Variants in KIF16B observed in about 807,000 individuals in gnomAD.
The protein encoded by KIF16B is kinesin family member 16B.
KIF16B carries 98 observed loss-of-function variants against 156.3 expected under a neutral mutation model. That is an observed-to-expected ratio of 0.63 (90% CI 0.53 to 0.74). The LOEUF (loss-of-function observed/expected upper bound fraction) is 0.74, where lower values mean the gene tolerates loss of function less well. KIF16B is among the 30% of genes least tolerant of loss of function. KIF16B has a pLI of 0.00. For missense variants in KIF16B, 1,421 were observed against 1,606.5 expected (o/e 0.88, Z 1.97); for synonymous variants, 564 against 583.7 (o/e 0.97, Z 0.49).
chr20:16,356,264 A>G (rs1050995886), intron 23 of KIF16B, 66 bp downstream of exon 23: 1 of 1,593,494 alleles, frequency 6.3e-7, no homozygotes, highest in Non-Finnish European at 8.6e-7. Flanking sequence ...TTGAAAAAAT[A>G]AAGACAGATA....
intron 12 of KIF16B, among the ~76,000 whole-genome samples, chr20:16,466,043 T>G (rs2067481532): frequency 6.6e-6 from 1 of 152,164 alleles, no homozygotes; most frequent in Non-Finnish European, 1.5e-5. Flanking sequence ...GACAGGAAAA[T>G]AAGTTCACAA....
chr20:16,426,892 A>G (rs1379247230), intron 15 of KIF16B, among the ~76,000 whole-genome samples: 2 of 152,148 alleles, frequency 1.3e-5, no homozygotes, highest in African/African-American at 4.8e-5. Context: ...ATAATTCTAT[A>G]TATGTTCATA....
intron 1 of KIF16B, among the ~76,000 whole-genome samples, chr20:16,547,905 T>C (rs1396040030): frequency 6.6e-6 from 1 of 152,106 alleles, no homozygotes; most frequent in Admixed American, 6.6e-5. Flanking sequence ...CACAGGAATC[T>C]CCTGGGGCTT....
intron 12 of KIF16B, among the ~76,000 whole-genome samples, chr20:16,434,986 C>T (rs534142576): frequency 2.0e-5 from 3 of 151,500 alleles, no homozygotes; most frequent in South Asian, 4.2e-4. Flanking sequence ...GCCAGAAAGA[C>T]GTTGAAAAAA....
rs1282920181 is a variant in KIF16B, at chr20:16,348,059, C to G, written c.3621+8271G>C. ...CATGCTTCCTGGCAGGCCAATCTAC[C>G]ATCAAATTCTTCAGGTTTACCAAAG... On this transcript the variant is annotated intron_variant, in intron 23 of 25. Transcript: ENST00000354981. Among the ~76,000 whole-genome samples the G allele has an allele frequency of 3.3e-5, 5 of 152,186 alleles. No individual in the cohort carries two copies. The East Asian group carries it at 9.6e-4, about 29-fold the overall frequency.
chr20:16,273,606 G>T (rs1568801347), intron 25 of KIF16B, among the ~76,000 whole-genome samples, 195 bp from the exon 26 acceptor site: 1 of 152,044 alleles, frequency 6.6e-6, no homozygotes, highest in Non-Finnish European at 1.5e-5. Flanking sequence ...AGAGGCTGCA[G>T]TGAGCTGTGA....
chr20:16,394,181 A>G (rs1295881805), intron 17 of KIF16B, among the ~76,000 whole-genome samples: 1 of 152,210 alleles, frequency 6.6e-6, no homozygotes, highest in Non-Finnish European at 1.5e-5. Context: ...GTGTGGTTAT[A>G]AAATGGCTGA....
At chr20:16,443,467 G>A (rs533169782) in intron 12 of KIF16B, among the ~76,000 whole-genome samples, 10 of 152,204 alleles carry the variant, frequency 6.6e-5, no homozygotes, top group Admixed American at 3.9e-4. Context: ...GTCTCATCCC[G>A]TCCCTTTGAG....
chr20:16,283,611 G>A (rs112840027), intron 25 of KIF16B, among the ~76,000 whole-genome samples: 4,444 of 152,256 alleles, frequency 0.029, 65 homozygotes, highest in Middle Eastern at 0.044. Flanking sequence ...GAAAACAGGT[G>A]GCAAGGTGGG....
In KIF16B at chr20:16,508,080, G is replaced by C; in HGVS notation, c.577C>G (p.Gln193Glu). ...YVEDLSKHLV[Q>E]NYGDVEELMD... ...AGTTCTTCTACGTCACCATAATTCT[G>C]TACTAAATGTTTGGATAAATCTGAA... Residue 193 changes from glutamine (Q) to glutamate (E), a missense_variant, in exon 7 of 26, where the codon CAG (glutamine) becomes GAG (glutamate). Physicochemically the swap from Gln to Glu is conservative, Grantham distance 29 (BLOSUM62 2). Coordinates refer to ENST00000354981, the MANE Select transcript of KIF16B (RefSeq NM_024704.5). 1 of 1,614,010 alleles carries C rather than the reference G, an allele frequency of 6.2e-7. No individual in the cohort carries two copies. Among genetic ancestry groups the C allele is most frequent in the Non-Finnish European group, 8.5e-7 (1 of 1,179,920 alleles).
intron 17 of KIF16B, among the ~76,000 whole-genome samples, chr20:16,384,925 G>A (rs528488852): frequency 2.6e-5 from 4 of 152,134 alleles, no homozygotes; most frequent in South Asian, 2.1e-4. Context: ...GGCCAGGCAC[G>A]GTGGCTCACA....
intron 12 of KIF16B, among the ~76,000 whole-genome samples, chr20:16,451,256 T>G (rs1600431378): frequency 6.6e-6 from 1 of 152,252 alleles, no homozygotes; most frequent in East Asian, 1.9e-4. Context: ...ATGGGAGACA[T>G]TTATAGCAGC....
chr20:16,564,685 A>C (rs1195542162), intron 1 of KIF16B, among the ~76,000 whole-genome samples: 1 of 152,012 alleles, frequency 6.6e-6, no homozygotes, highest in Admixed American at 6.6e-5. Context: ...AACTGAAAGA[A>C]AAAAAAGATT....
At chr20:16,369,405 T>C (rs1311454919) in intron 22 of KIF16B, 5 of 418,652 alleles carry the variant, frequency 1.2e-5, no homozygotes, top group African/African-American at 4.3e-5. Flanking sequence ...GCCATTTGTA[T>C]TGATACATGA....
At chr20:16,475,287 G>A (rs1248900324) in intron 12 of KIF16B, among the ~76,000 whole-genome samples, 1 of 152,072 alleles carries the variant, frequency 6.6e-6, no homozygotes, top group Non-Finnish European at 1.5e-5. Context: ...ATAACAACCC[G>A]ATGAGTTAGG....
At chr20:16,294,236 C>T (rs1044325573) in intron 25 of KIF16B, among the ~76,000 whole-genome samples, 21 of 152,074 alleles carry the variant, frequency 1.4e-4, no homozygotes, top group African/African-American at 5.1e-4. Context: ...CAAACACATG[C>T]ACAGAAAAAC....
At chr20:16,335,830 G>C (rs976667464) in intron 24 of KIF16B, 96 bp downstream of exon 24, 15 of 719,790 alleles carry the variant, frequency 2.1e-5, no homozygotes, top group Admixed American at 1.7e-4. Flanking sequence ...ATCTGAAAGA[G>C]AGAGACAGAG....
intron 3 of KIF16B, among the ~76,000 whole-genome samples, chr20:16,523,954 G>A (rs1313899666): frequency 3.9e-5 from 6 of 152,134 alleles, no homozygotes; most frequent in African/African-American, 1.4e-4. Context: ...AATGGTGTTG[G>A]GAAAACTGGC....
intron 23 of KIF16B, among the ~76,000 whole-genome samples, chr20:16,354,070 G>A (rs1012364064): frequency 5.9e-5 from 9 of 152,326 alleles, no homozygotes; most frequent in African/African-American, 1.7e-4. Flanking sequence ...AGGCCTCATA[G>A]AATTTTCTGT....
Sources: allele counts gnomAD v4.1 joint callset (sites outside exome capture counted in the v4.1 genomes callset), GRCh38; gene constraint gnomAD v4.1.1; transcripts MANE v1.5; gene names NCBI Gene and HGNC (gene_info 2026-07-23, HGNC 2026-07-21).